The following ABCG2 variants were observed in gnomAD, a reference collection of about 807,000 sequenced individuals.
ABCG2 encodes ATP binding cassette subfamily G member 2 (JR blood group).
A neutral mutation model predicts 73.5 loss-of-function variants in ABCG2; 80 were observed. The observed-to-expected ratio is 1.09, with a 90% CI of 0.91 to 1.31. The LOEUF (loss-of-function observed/expected upper bound fraction) is 1.31. Among genes scored for constraint, ABCG2 ranks in the 50% most tolerant of loss-of-function variants. The probability of loss-of-function intolerance (pLI) is 0.00; values close to 1 mark genes in which losing one functional copy is unlikely to be tolerated. For missense variants in ABCG2, 796 were observed against 786.2 expected (o/e 1.01, Z -0.15); for synonymous variants, 269 against 282.4 (o/e 0.95, Z 0.48).
chr4:88,176,103 T>C (rs1433676854), intron 1 of ABCG2, among the ~76,000 whole-genome samples: 1 of 152,172 alleles, frequency 6.6e-6, no homozygotes, highest in Non-Finnish European at 1.5e-5. Context: ...AATTAGTCTG[T>C]AAATGCTCTG....
In ABCG2 at chr4:88,140,142, T is replaced by A. The variant is rs538371622; in HGVS notation, c.-19-128A>T. On this transcript the variant is annotated intron_variant, in intron 1 of 15. Coordinates refer to ENST00000237612, the MANE Select transcript of ABCG2 (RefSeq NM_004827.3). ...AATGAGCAGCTTCATTTCCAATGAA[T>A]GGCCCATACCATTGTGATAAGAACA... is the stretch of plus-strand genomic sequence containing the variant. 1.2e-4 allele frequency: 95 copies of A among 760,882 alleles called. 1 individual carries two copies. The East Asian group carries it at 2.6e-3, about 20-fold the overall frequency. 47.1% of individuals were successfully genotyped at this position (760,882 alleles called of 1,614,324 possible). A position where few individuals can be genotyped will look rare whatever the true frequency, so the allele number is the denominator to read the frequency against.
At chr4:88,102,357 G>A (rs950223056) in intron 10 of ABCG2, among the ~76,000 whole-genome samples, 12 of 152,190 alleles carry the variant, frequency 7.9e-5, no homozygotes, top group Non-Finnish European at 1.5e-4. Flanking sequence ...CGGCACTATG[G>A]GAGGCCGGGT....
At chr4:88,163,400 G>A (rs1356104627), upstream of ABCG2, among the ~76,000 whole-genome samples, 1 of 152,166 alleles carries the variant, frequency 6.6e-6, no homozygotes, top group Non-Finnish European at 1.5e-5. Flanking sequence ...GTTTGAATTA[G>A]ACAGACTAGA....
In ABCG2 at chr4:88,099,428, T is replaced by C. The variant is rs1444855501; in HGVS notation, c.1388A>G (p.Tyr463Cys). ...KLFIHEYISG[Y>C]YRVSSYFLGK... ...AAGGAAATAAGATGACACTCTGTAG[T>C]ATCCGCTGATGTATTCATGTCTATA... The change falls in exon 12 of 16, where the codon TAC (tyrosine) becomes TGC (cysteine). Residue 463 changes from tyrosine (Y) to cysteine (C), a missense_variant. Transcript: ENST00000237612. 1 of 1,606,428 alleles carries C rather than the reference T, an allele frequency of 6.2e-7. No homozygotes were observed. The highest frequency in any genetic ancestry group is 2.2e-5 in the East Asian group (1 of 44,760).
chr4:88,160,112 G>C (rs1253994980), upstream of ABCG2, among the ~76,000 whole-genome samples: 1 of 151,764 alleles, frequency 6.6e-6, no homozygotes, highest in Non-Finnish European at 1.5e-5. Flanking sequence ...GTGTGGTGGC[G>C]AGGCTGTAAT....
chr4:88,097,670 C>T, intron 12 of ABCG2, 63 bp from the exon 13 acceptor site: 1 of 1,527,470 alleles, frequency 6.5e-7, no homozygotes. Flanking sequence ...TTTGGGATTG[C>T]TTATTGTGCA....
At chr4:88,183,170 G>T (rs1458407012) in intron 1 of ABCG2, among the ~76,000 whole-genome samples, 2 of 150,548 alleles carry the variant, frequency 1.3e-5, no homozygotes, top group Non-Finnish European at 3.0e-5. Context: ...AACTAGGAGA[G>T]GAAGGGCAAG....
intron 11 of ABCG2, among the ~76,000 whole-genome samples, chr4:88,100,653 A>AAAAAT (rs1722345399): frequency 6.6e-6 from 1 of 152,110 alleles, no homozygotes; most frequent in South Asian, 2.1e-4. Flanking sequence ...CTGTCTCCAA[A>AAAAAT]AAATAAATAA....
At chr4:88,121,892 T>C in intron 5 of ABCG2, 100 bp from the exon 6 acceptor site, 1 of 1,155,680 alleles carries the variant, frequency 8.7e-7, no homozygotes, top group East Asian at 2.4e-5. Context: ...CTTTATCTCA[T>C]TAAGTTCATT....
rs575932372 is a variant in ABCG2 at position 88,091,286 on chromosome 4, A to G, written c.*948T>C. The G allele has an allele frequency of 1.3e-5, 2 of 152,338 alleles. 1 individual carries two copies. Among genetic ancestry groups the G allele is most frequent in the Admixed American group, 1.3e-4 (2 of 15,294 alleles). The allele number at this position is 152,338 out of a possible 1,614,324, so 9.4% of individuals were successfully genotyped here. On this transcript the variant is annotated 3_prime_UTR_variant, in exon 16 of 16. Coordinates refer to ENST00000237612, the MANE Select transcript of ABCG2 (RefSeq NM_004827.3). ...AAATTAAAACATTTCCCTATTACTGATGAAGGTTAGAATGAAGAGAACATA... is the reference window on the plus strand; with the variant it reads ...AAATTAAAACATTTCCCTATTACTGGTGAAGGTTAGAATGAAGAGAACATA...
chr4:88,126,861 C>T (rs925951262), intron 5 of ABCG2, among the ~76,000 whole-genome samples: 14 of 152,180 alleles, frequency 9.2e-5, no homozygotes, highest in East Asian at 3.9e-4. Flanking sequence ...CTTTGAAAAC[C>T]GGCACAAGAC....
chr4:88,218,610 C>T (rs929595425), intron 1 of ABCG2, among the ~76,000 whole-genome samples: 5 of 152,124 alleles, frequency 3.3e-5, no homozygotes, highest in Admixed American at 2.0e-4. Flanking sequence ...CCACCCTTTC[C>T]CCTGAGTCCC....
At chr4:88,125,277 G>C (rs1438666160) in intron 5 of ABCG2, among the ~76,000 whole-genome samples, 1 of 147,478 alleles carries the variant, frequency 6.8e-6, no homozygotes, top group Non-Finnish European at 1.5e-5. Context: ...GGGCAACAGA[G>C]CGAGACTCTG....
intron 5 of ABCG2, among the ~76,000 whole-genome samples, chr4:88,124,680 C>T (rs1358274292): frequency 6.6e-6 from 1 of 152,174 alleles, no homozygotes; most frequent in Non-Finnish European, 1.5e-5. Flanking sequence ...TAGAGACCTA[C>T]AAGGAGACTT....
chr4:88,189,923 G>A (rs912289985), intron 1 of ABCG2, among the ~76,000 whole-genome samples: 28 of 152,044 alleles, frequency 1.8e-4, no homozygotes, highest in African/African-American at 6.8e-4. Flanking sequence ...CCTATTTAGG[G>A]TTTTTATCAT....
At position 88,115,078 on chromosome 4, in the gene ABCG2, A is replaced by C; in HGVS notation, c.842-20T>G. ...GATAACCTATGAAAGAAGGCAGCTC[A>C]AAAACACAAACTTGATGGTCTTGGA... On this transcript the variant is annotated intron_variant, in intron 7 of 15. Transcript: ENST00000237612. 2.9e-5 allele frequency: 45 copies of C among 1,537,228 alleles called. No individual in the cohort carries two copies. The highest frequency in any genetic ancestry group is 4.0e-5 in the Non-Finnish European group (44 of 1,113,148).
Position 88,102,157 on chromosome 4 carries a change from G to A in ABCG2, c.1278-838C>T, listed in dbSNP as rs1277890444. Among the ~76,000 whole-genome samples, 5 of 152,152 alleles carry A rather than the reference G, an allele frequency of 3.3e-5. No homozygotes were observed. The South Asian group carries it at 6.2e-4, about 19-fold the overall frequency. On this transcript the variant is annotated intron_variant, in intron 10 of 15. Transcript: ENST00000237612. ...GGGCCGTGACATTATCCTTGACCAC[G>A]CTAAGACAGCCAGCCCTCTATGAGG...
intron 5 of ABCG2, among the ~76,000 whole-genome samples, chr4:88,129,782 T>C (rs187306517): frequency 6.6e-6 from 1 of 152,346 alleles, no homozygotes; most frequent in East Asian, 1.9e-4. Context: ...AAGCTCATTT[T>C]CACCCAAAGC....
At position 88,118,260 on chromosome 4, in the gene ABCG2, C is replaced by A. The variant is rs1257769379; in HGVS notation, c.690G>T (p.Arg230Ser). ...TGATTGTTCGTCCCTGCTTAGACAT[C>A]CTAAGTTAAAAGTGAGACAATACTA... ...TANAVLLLLK[R>S]MSKQGRTIIF... Residue 230 changes from arginine (R) to serine (S), a missense_variant and splice_region_variant, in exon 7 of 16, where the codon AGG (arginine) becomes AGT (serine). Coordinates refer to ENST00000237612, the MANE Select transcript of ABCG2 (RefSeq NM_004827.3). 1 of 1,613,434 alleles carries A rather than the reference C, an allele frequency of 6.2e-7. No individual in the cohort carries two copies. The highest frequency in any genetic ancestry group is 8.5e-7 in the Non-Finnish European group (1 of 1,179,742).
Sources: allele counts gnomAD v4.1 joint callset (sites outside exome capture counted in the v4.1 genomes callset), GRCh38; gene constraint gnomAD v4.1.1; transcripts MANE v1.5; gene names NCBI Gene and HGNC (gene_info 2026-07-23, HGNC 2026-07-21).